The following RAG1 variants were observed in gnomAD, a reference collection of about 807,000 sequenced individuals.
RAG1 encodes V(D)J recombination-activating protein 1.
A neutral mutation model predicts 62.7 loss-of-function variants in RAG1; 35 were observed. That is an observed-to-expected ratio of 0.56 (90% CI 0.43 to 0.74). The LOEUF (loss-of-function observed/expected upper bound fraction) is 0.74. Among genes scored for constraint, RAG1 ranks in the 30% least tolerant of loss-of-function variants. The pLI is 0.00. For synonymous variants in RAG1, 461 were observed against 470.3 expected (o/e 0.98, Z 0.26); for missense variants, 1,169 against 1,278.6 (o/e 0.91, Z 1.31).
chr11:36,527,942 A>C (rs1860190485), intron 2 of RAG1, among the ~76,000 whole-genome samples: 3 of 152,062 alleles, frequency 2.0e-5, no homozygotes, highest in Non-Finnish European at 2.9e-5. Context: ...GACTTTGCTG[A>C]AGTTGCTTAT....
At chr11:36,536,615 A>T (rs1322262599), downstream of RAG1, among the ~76,000 whole-genome samples, 1 of 87,276 alleles carries the variant, frequency 1.1e-5, no homozygotes, top group Non-Finnish European at 2.3e-5. Context: ...AATATACTTC[A>T]AAGTTTTTTA....
Position 36,515,876 on chromosome 11 carries a change from T to G in RAG1, n.331-4256T>G, listed in dbSNP as rs542626511. 5.3e-5 allele frequency among the ~76,000 whole-genome samples: 8 copies of G among 152,328 alleles called. No homozygotes were observed. In the South Asian group the frequency reaches 1.7e-3, roughly 32 times the overall value. On this transcript the variant is annotated intron_variant and non_coding_transcript_variant, in intron 1 of 2. Coordinates refer to the RAG1 transcript ENST00000529126. Reference sequence around the variant, plus strand: ...TCCAAAATTTCCAAGACAACGAGTTTTCCTTGGTAAAGCCCATCTACTAGC... The same window carrying G: ...TCCAAAATTTCCAAGACAACGAGTTGTCCTTGGTAAAGCCCATCTACTAGC...
rs1850786390 is a variant in RAG1, at chr11:36,573,752, T to A, written c.448T>A (p.Ser150Thr). The change falls in exon 2 of 2, where the codon TCC becomes ACC. Residue 150 changes from serine to threonine, a missense_variant. Ser to Thr is a moderately conservative substitution (Grantham distance 58, BLOSUM62 1). Around this residue, in one of 2 missense-constraint regions of RAG1, gnomAD observed 369 missense variants for 335.3 expected, o/e 1.10. Transcript: ENST00000299440. ...LLRKKEKRAT[S>T]WPDLIAKVFR... ...ACGAAAGAAGGAAAAGAGAGCTACT[T>A]CCTGGCCGGACCTCATTGCCAAGGT... is the stretch of plus-strand genomic sequence containing the variant. 1 of 1,613,962 alleles carries A rather than the reference T, an allele frequency of 6.2e-7. No homozygotes were observed. The highest frequency in any genetic ancestry group is 1.7e-5 in the Admixed American group (1 of 60,000).
chr11:36,511,185 G>A (rs1859915709), intron 1 of RAG1: 1 of 152,228 alleles, frequency 6.6e-6, no homozygotes, highest in African/African-American at 2.4e-5. Context: ...GGCACAAATA[G>A]GCTCATGCCT....
chr11:36,514,078 C>G (rs1859963384), intron 1 of RAG1, among the ~76,000 whole-genome samples: 1 of 152,130 alleles, frequency 6.6e-6, no homozygotes, highest in African/African-American at 2.4e-5. Context: ...CTGAGGACAC[C>G]CAAGTAGCCC....
At position 36,573,913 on chromosome 11, in the gene RAG1, G is replaced by A. The variant is rs1850790180; in HGVS notation, c.609G>A (p.Glu203=). The change falls in exon 2 of 2, where the codon GAG becomes GAA. Residue 203 remains glutamate (E), a synonymous_variant. Transcript: ENST00000299440. ...ACTTCCCGAGGAACGTGACCATGGA[G>A]TGGCACCCCCACACACCATCCTGTG... ...EVYFPRNVTM[E]WHPHTPSCDI... 2 of 1,614,012 alleles carry A rather than the reference G, an allele frequency of 1.2e-6. No homozygotes were observed. The highest frequency in any genetic ancestry group is 1.1e-5 in the South Asian group (1 of 91,088).
chr11:36,535,538 G>GT (rs1324750827), intron 2 of RAG1, among the ~76,000 whole-genome samples: 1 of 152,172 alleles, frequency 6.6e-6, no homozygotes, highest in Admixed American at 6.6e-5. Flanking sequence ...GAGCTCAGGA[G>GT]TTCGAGACCA....
upstream of RAG1, among the ~76,000 whole-genome samples, chr11:36,564,082 G>C (rs1269546382): frequency 6.6e-6 from 1 of 152,186 alleles, no homozygotes; most frequent in African/African-American, 2.4e-5. Flanking sequence ...TGATTAGAAA[G>C]GATATTTAGC....
rs1391519370 is a variant in RAG1, at chr11:36,515,965, C to CT, written n.331-4160dup. ...CCCCAAATCCAATAAAAAACCTAGG[C>CT]TTTTTTTGTGGTCACGCTCATTTTT... On this transcript the variant is annotated intron_variant and non_coding_transcript_variant, in intron 1 of 2. Transcript: ENST00000529126. 3.3e-5 allele frequency among the ~76,000 whole-genome samples: 5 copies of CT among 152,164 alleles called. No homozygotes were observed. The South Asian group carries it at 8.3e-4, about 25-fold the overall frequency.
intron 3 of RAG1, among the ~76,000 whole-genome samples, chr11:36,550,267 A>G (rs1209178883): frequency 6.6e-6 from 1 of 152,084 alleles, no homozygotes; most frequent in African/African-American, 2.4e-5. Context: ...GTATAATAAT[A>G]ATAAAAAAAG....
intron 3 of RAG1, among the ~76,000 whole-genome samples, chr11:36,561,253 T>C (rs1289027203): frequency 6.6e-6 from 1 of 152,226 alleles, no homozygotes; most frequent in African/African-American, 2.4e-5. Flanking sequence ...ACAAGGTACC[T>C]GGTTCTCCAG....
At chr11:36,523,893 G>A (rs1290181337) in intron 2 of RAG1, among the ~76,000 whole-genome samples, 1 of 152,144 alleles carries the variant, frequency 6.6e-6, no homozygotes, top group Non-Finnish European at 1.5e-5. Flanking sequence ...CATTCATACA[G>A]TCAAGATATA....
rs1417654713 is a variant in RAG1 at position 36,574,668 on chromosome 11, AG to A, written c.1366del (p.Ala456ProfsTer36). 1 of 1,614,200 alleles carries A rather than the reference AG, an allele frequency of 6.2e-7. No homozygotes were observed. The highest frequency in any genetic ancestry group is 8.5e-7 in the Non-Finnish European group (1 of 1,180,032). Reference protein sequence around the residue: ...RNEHRQADELEAIMQGKGSGL... With the variant: ...RNEHRQADELXAIMQGKGSGL... Reference sequence around the variant, plus strand: ...GAGCACAGGCAAGCTGATGAGCTGGAGGCCATCATGCAGGGAAAGGGCTCTG... The same window carrying A: ...GAGCACAGGCAAGCTGATGAGCTGGAGCCATCATGCAGGGAAAGGGCTCTG... On this transcript the variant is annotated frameshift_variant, in exon 2 of 2. Coordinates refer to ENST00000299440, the MANE Select transcript of RAG1 (RefSeq NM_000448.3). LOFTEE classifies it high-confidence loss of function.
At chr11:36,562,896 T>G (rs1299990898) in intron 3 of RAG1, among the ~76,000 whole-genome samples, 1 of 152,162 alleles carries the variant, frequency 6.6e-6, no homozygotes, top group Non-Finnish European at 1.5e-5. Flanking sequence ...TCCATAATTG[T>G]GTGATCCAAT....
chr11:36,560,510 G>A (rs1389510696), intron 3 of RAG1, among the ~76,000 whole-genome samples: 1 of 152,142 alleles, frequency 6.6e-6, no homozygotes, highest in Non-Finnish European at 1.5e-5. Context: ...GATATGCCAG[G>A]ACACTGGCTT....
chr11:36,574,255 T>A lies in RAG1; in HGVS notation c.951T>A (p.Ile317=). 6.2e-7 allele frequency: 1 copy of A among 1,614,182 alleles called. No individual in the cohort carries two copies. Among genetic ancestry groups the A allele is most frequent in the Non-Finnish European group, 8.5e-7 (1 of 1,180,030 alleles). ...AGCATGTCTTTTGCCGGGTCTGCAT[T>A]CTCAGATGCCTCAAAGTCATGGGCA... ...NCKHVFCRVC[I]LRCLKVMGSY... The change falls in exon 2 of 2, where the codon ATT becomes ATA. Residue 317 remains isoleucine, a synonymous_variant. Coordinates refer to ENST00000299440, the MANE Select transcript of RAG1 (RefSeq NM_000448.3).
At chr11:36,522,842 T>C (rs529468961) in intron 2 of RAG1, among the ~76,000 whole-genome samples, 12 of 152,270 alleles carry the variant, frequency 7.9e-5, no homozygotes, top group Non-Finnish European at 1.6e-4. Context: ...GAGATCATTT[T>C]GGAGCTTTAA....
chr11:36,512,433 T>G (rs955683222), intron 1 of RAG1, among the ~76,000 whole-genome samples: 2 of 152,230 alleles, frequency 1.3e-5, no homozygotes, highest in African/African-American at 4.8e-5. Context: ...GATTGTCTTT[T>G]CTGCTGCATA....
upstream of RAG1, chr11:36,566,667 C>T (rs1163583869): frequency 1.3e-5 from 2 of 152,252 alleles, no homozygotes; most frequent in African/African-American, 2.4e-5. Flanking sequence ...CTGCCTTTCT[C>T]GCCATGTTGC....
Sources: allele counts gnomAD v4.1 joint callset (sites outside exome capture counted in the v4.1 genomes callset), GRCh38; gene constraint gnomAD v4.1.1; regional missense constraint gnomAD v4.1.1; transcripts MANE v1.5; gene names NCBI Gene and HGNC (gene_info 2026-07-23, HGNC 2026-07-21).